Variants in TBC1D7 observed in about 807,000 individuals in gnomAD.
The protein encoded by TBC1D7 is TBC domain family 7.
Under a neutral mutation model 35.3 loss-of-function variants are expected in TBC1D7, and 33 were observed. The ratio of observed to expected loss-of-function variants is 0.93; its 90% CI spans 0.71 to 1.25. TBC1D7 has a LOEUF of 1.25. Among genes scored for constraint, TBC1D7 ranks in the 50% most tolerant of loss-of-function variants. The pLI, the probability that TBC1D7 is intolerant of heterozygous loss-of-function variation, is 0.00. For synonymous variants in TBC1D7, 135 were observed against 129.5 expected (o/e 1.04, Z -0.29); for missense variants, 362 against 365.3 (o/e 0.99, Z 0.07).
chr6:13,317,647 T>C (rs1783729989), intron 4 of TBC1D7, among the ~76,000 whole-genome samples: 1 of 152,122 alleles, frequency 6.6e-6, no homozygotes, highest in South Asian at 2.1e-4. Context: ...GAATGGAAAA[T>C]AAGTAGGAAG....
chr6:13,310,071 G>C (rs1476852318), intron 5 of TBC1D7, among the ~76,000 whole-genome samples: 1 of 152,154 alleles, frequency 6.6e-6, no homozygotes, highest in African/African-American at 2.4e-5. Flanking sequence ...CTGGTTGTGA[G>C]GATGGAAAAG....
intron 5 of TBC1D7, among the ~76,000 whole-genome samples, chr6:13,311,487 A>G (rs1270195239): frequency 6.6e-6 from 1 of 152,196 alleles, no homozygotes; most frequent in Non-Finnish European, 1.5e-5. Context: ...CAGCAACCTA[A>G]ACTGTGTGTT....
rs531166389 is a variant in TBC1D7, at chr6:13,310,169, G to A, written c.520-2424C>T. Among the ~76,000 whole-genome samples the A allele has an allele frequency of 4.6e-5, 7 of 152,086 alleles. No individual in the cohort carries two copies. The South Asian group carries it at 1.2e-3, about 27-fold the overall frequency. On this transcript the variant is annotated intron_variant, in intron 5 of 7. Transcript: ENST00000379300. ...TTGATCCAGCCAATCTATTTTCAGG[G>A]AATCCAACTCAAATATACTAGCAAA...
chr6:13,327,324 T>C (rs921733589), intron 1 of TBC1D7, among the ~76,000 whole-genome samples: 1 of 152,230 alleles, frequency 6.6e-6, no homozygotes, highest in Non-Finnish European at 1.5e-5. Flanking sequence ...TCATTTTTTG[T>C]TTTTTACAAA....
Position 13,316,763 on chromosome 6 carries a change from A to G in TBC1D7, c.382-55T>C, listed in dbSNP as rs1295583034. 1.9e-5 allele frequency: 30 copies of G among 1,574,478 alleles called. No homozygotes were observed. The Admixed American group carries it at 5.8e-4, about 30-fold the overall frequency. ...AAGGCAGTGAAAGAGAGGAATACAT[A>G]TTTCTTTAATAAAAAATGAAACCTT... On this transcript the variant is annotated intron_variant, in intron 4 of 7. Coordinates refer to ENST00000379300, the MANE Select transcript of TBC1D7 (RefSeq NM_016495.6).
chr6:13,326,818 T>C lies in TBC1D7; in HGVS notation c.81A>G (p.Ser27=). The change falls in exon 2 of 8, where the codon TCA becomes TCG. Residue 27 remains serine, a synonymous_variant. Coordinates refer to ENST00000379300, the MANE Select transcript of TBC1D7 (RefSeq NM_016495.6). The stretch of plus-strand genomic sequence containing the variant: ...GGTCATCTTTTAGGAGAATTTCTAA[T>C]GATTTCTTTTCTTCAACTCCACGAA... The part of the protein sequence containing the change: ...VGFRGVEEKK[S]LEILLKDDRL... 2 of 1,613,164 alleles carry C rather than the reference T, an allele frequency of 1.2e-6. No individual in the cohort carries two copies. Among genetic ancestry groups the C allele is most frequent in the Non-Finnish European group, 1.7e-6 (2 of 1,179,628 alleles).
chr6:13,322,726 C>G (rs375083534), intron 3 of TBC1D7, among the ~76,000 whole-genome samples: 1 of 152,168 alleles, frequency 6.6e-6, no homozygotes, highest in Non-Finnish European at 1.5e-5. Context: ...AATCTTTACT[C>G]ATGCTATGAG....
chr6:13,311,106 T>A (rs1783179677), intron 5 of TBC1D7, among the ~76,000 whole-genome samples: 2 of 152,152 alleles, frequency 1.3e-5, no homozygotes, highest in South Asian at 4.1e-4. Flanking sequence ...TGAGAGGAAT[T>A]TATATTAAAC....
intron 5 of TBC1D7, among the ~76,000 whole-genome samples, chr6:13,314,186 C>T (rs1783433712): frequency 6.7e-6 from 1 of 148,424 alleles, no homozygotes; most frequent in Admixed American, 6.8e-5. Flanking sequence ...GCCTTGGCGA[C>T]CAAGCGAGAC....
intron 5 of TBC1D7, among the ~76,000 whole-genome samples, chr6:13,310,976 C>G (rs1391672777): frequency 2.0e-5 from 3 of 151,988 alleles, no homozygotes; most frequent in Non-Finnish European, 1.5e-5. Context: ...TGTTTTACTC[C>G]TAAACATTTT....
At chr6:13,319,252 G>A (rs895753887) in intron 4 of TBC1D7, 1 of 152,180 alleles carries the variant, frequency 6.6e-6, no homozygotes, top group African/African-American at 2.4e-5. Flanking sequence ...CTGAGGTCGG[G>A]AGTTCAAAAC....
At chr6:13,320,139 C>A in intron 4 of TBC1D7, 1 of 152,388 alleles carries the variant, frequency 6.6e-6, no homozygotes, top group Non-Finnish European at 1.5e-5. Context: ...TCAAAAATGT[C>A]AAAGGCATGA....
At chr6:13,325,692 A>G (rs1399520473) in intron 2 of TBC1D7, among the ~76,000 whole-genome samples, 1 of 152,212 alleles carries the variant, frequency 6.6e-6, no homozygotes, top group African/African-American at 2.4e-5. Flanking sequence ...AACAATTTGC[A>G]TTTTACAGCA....
intron 3 of TBC1D7, among the ~76,000 whole-genome samples, chr6:13,324,675 C>G (rs1271231662): frequency 6.6e-6 from 1 of 152,180 alleles, no homozygotes; most frequent in Non-Finnish European, 1.5e-5. Context: ...TCTCCAATTC[C>G]TCTTTGACAG....
At chr6:13,307,033 G>A (rs1035206273) in intron 6 of TBC1D7, 1 of 154,584 alleles carries the variant, frequency 6.5e-6, no homozygotes, top group African/African-American at 2.4e-5. Flanking sequence ...TAATAATTCT[G>A]ATCATTCCTG....
intron 7 of TBC1D7, chr6:13,306,072 C>T: frequency 4.5e-6 from 1 of 220,270 alleles, no homozygotes; most frequent in South Asian, 5.7e-5. Flanking sequence ...CTCAGGCCAA[C>T]TTTAGGCCAA....
rs766992317 is a variant in TBC1D7 at position 13,307,771 on chromosome 6, T to C, written c.520-26A>G. 4 of 1,603,028 alleles carry C rather than the reference T, an allele frequency of 2.5e-6. No individual in the cohort carries two copies. In the Admixed American group the frequency reaches 5.1e-5, roughly 20 times the overall value. On this transcript the variant is annotated intron_variant, in intron 5 of 7. Transcript: ENST00000379300. ...CTAAAGATTAAGCAAGAACAGAGAT[T>C]ATTCATTTTCTGTGTCATAACATCA...
chr6:13,314,415 T>C (rs752607939), intron 5 of TBC1D7, among the ~76,000 whole-genome samples: 2 of 152,170 alleles, frequency 1.3e-5, no homozygotes, highest in Non-Finnish European at 2.9e-5. Context: ...CCATTTATGT[T>C]ACGAAAAATA....
In TBC1D7 at chr6:13,328,437, G is replaced by C. The variant is rs1784549693; in HGVS notation, c.-150C>G. 6.5e-6 allele frequency: 1 copy of C among 153,642 alleles called. No individual in the cohort carries two copies. The highest frequency in any genetic ancestry group is 6.5e-5 in the Admixed American group (1 of 15,280). 9.5% of individuals were successfully genotyped at this position (153,642 alleles called of 1,614,324 possible). ...CAGGAGGGACGAGTCCTGCGGGAAG[G>C]AGGGAGGCGGCGGGGTACCTGGGAC... is the stretch of plus-strand genomic sequence containing the variant. On this transcript the variant is annotated 5_prime_UTR_variant, in exon 1 of 8. Coordinates refer to ENST00000379300, the MANE Select transcript of TBC1D7 (RefSeq NM_016495.6).
Sources: gnomAD v4.1 joint callset for allele counts (sites outside exome capture counted in the v4.1 genomes callset) on GRCh38, gnomAD v4.1.1 for gene constraint, MANE v1.5 for transcripts, NCBI Gene and HGNC (gene_info 2026-07-23, HGNC 2026-07-21) for gene names.